The following MACC1 variants were observed in gnomAD, a reference collection of about 807,000 sequenced individuals.
MACC1 encodes the protein metastasis-associated in colon cancer protein 1.
A neutral mutation model predicts 70.7 loss-of-function variants in MACC1; 79 were observed. The observed-to-expected ratio is 1.12, with a 90% CI of 0.93 to 1.35. The LOEUF is 1.35. MACC1 is among the 40% of genes most tolerant of loss of function. The pLI is 0.00. For missense variants in MACC1, 1,106 were observed against 978.1 expected (o/e 1.13, Z -1.74); for synonymous variants, 361 against 347.2 (o/e 1.04, Z -0.44).
chr7:20,171,921 A>G (rs1352909879), intron 1 of MACC1, among the ~76,000 whole-genome samples: 1 of 152,200 alleles, frequency 6.6e-6, no homozygotes, highest in African/African-American at 2.4e-5. Flanking sequence ...AGTCTGGAGG[A>G]AAAAGCTGAG....
intron 1 of MACC1, among the ~76,000 whole-genome samples, chr7:20,201,821 C>T (rs1196643143): frequency 1.3e-5 from 2 of 152,148 alleles, no homozygotes; most frequent in African/African-American, 4.8e-5. Flanking sequence ...CCTTAGATTC[C>T]ATTTTTGAGA....
rs1781697302 is a variant in MACC1 at position 20,134,735 on chromosome 7, C to T, written c.*6211G>A. ...ATTCCATGTATTGAGTTTAAGTGAG[C>T]ATATAAACATTAGGGACATTTAAAA... is the stretch of plus-strand genomic sequence containing the variant. On this transcript the variant is annotated 3_prime_UTR_variant, in exon 7 of 7. Transcript: ENST00000400331. 1 of 152,092 alleles carries T rather than the reference C, an allele frequency of 6.6e-6. No homozygotes were observed. The highest frequency in any genetic ancestry group is 6.6e-5 in the Admixed American group (1 of 15,252). 9.4% of individuals were successfully genotyped at this position (152,092 alleles called of 1,614,324 possible). A position where few individuals can be genotyped will look rare whatever the true frequency, so the allele number is the denominator to read the frequency against.
rs749160800 is a variant in MACC1 at position 20,159,792 on chromosome 7, C to CG, written c.568dup (p.Arg190ProfsTer5). 1 of 1,614,062 alleles carries CG rather than the reference C, an allele frequency of 6.2e-7. No homozygotes were observed. Among genetic ancestry groups the CG allele is most frequent in the Non-Finnish European group, 8.5e-7 (1 of 1,180,010 alleles). ...AATTGTATTCAAATCAAGGCAGGAG[C>CG]GGGCCAGCTGGCGTTGACTTAACCA... On this transcript the variant is annotated frameshift_variant, in exon 5 of 7. Transcript: ENST00000400331. LOFTEE classifies it high-confidence loss of function.
At chr7:20,175,126 C>G (rs924358849) in intron 1 of MACC1, among the ~76,000 whole-genome samples, 3 of 151,998 alleles carry the variant, frequency 2.0e-5, no homozygotes, top group Non-Finnish European at 2.9e-5. Context: ...AAGATATCAT[C>G]TACTCTGAGA....
intron 6 of MACC1, among the ~76,000 whole-genome samples, chr7:20,147,266 G>T (rs1781906454): frequency 6.6e-6 from 1 of 152,132 alleles, no homozygotes; most frequent in South Asian, 2.1e-4. Context: ...TGCCACATGA[G>T]TAGAAGAAAT....
At chr7:20,189,720 GAC>G (rs1484260599) in intron 1 of MACC1, among the ~76,000 whole-genome samples, 1 of 150,128 alleles carries the variant, frequency 6.7e-6, no homozygotes, top group Non-Finnish European at 1.5e-5. Context: ...AAGAGACAGA[GAC>G]AGACAGACAG....
At chr7:20,199,019 C>T (rs542732310) in intron 1 of MACC1, among the ~76,000 whole-genome samples, 6 of 152,124 alleles carry the variant, frequency 3.9e-5, no homozygotes, top group Non-Finnish European at 7.4e-5. Context: ...ATATTTTATG[C>T]GAGTGTATTA....
Position 20,217,329 on chromosome 7 carries a change from T to C in MACC1, c.-248A>G, listed in dbSNP as rs541321531. On this transcript the variant is annotated 5_prime_UTR_variant, in exon 1 of 7. Transcript: ENST00000400331. ...TGGAAGTGAGCCCAAGCTTCTTCAG[T>C]TCAGACACATGGTTTTAGTGAATAG... The C allele has an allele frequency of 3.3e-5, 5 of 152,202 alleles. No homozygotes were observed. Among genetic ancestry groups the C allele is most frequent in the Admixed American group, 2.0e-4 (3 of 15,282 alleles). 9.4% of individuals were successfully genotyped at this position (152,202 alleles called of 1,614,324 possible). A position where few individuals can be genotyped will look rare whatever the true frequency, so the allele number is the denominator to read the frequency against.
In MACC1 at chr7:20,154,298, T is replaced by A. The variant is rs1383825988; in HGVS notation, c.2241A>T (p.Gly747=). The change falls in exon 6 of 7, where the codon GGA becomes GGT. Residue 747 remains glycine (G), a synonymous_variant. Coordinates refer to ENST00000400331, the MANE Select transcript of MACC1 (RefSeq NM_182762.4). ...AAVLTSAVKL[G]KGWRELAEKL... ...TTTCAGCTAGTTCCCTCCAGCCTTT[T>A]CCAAGCTTGACAGCTGAAGTCAGAA... is the stretch of plus-strand genomic sequence containing the variant. 4 of 1,613,874 alleles carry A rather than the reference T, an allele frequency of 2.5e-6. No individual in the cohort carries two copies. The highest frequency in any genetic ancestry group is 3.4e-6 in the Non-Finnish European group (4 of 1,179,958).
chr7:20,196,274 G>A (rs750617309), intron 1 of MACC1, among the ~76,000 whole-genome samples: 1 of 152,126 alleles, frequency 6.6e-6, no homozygotes, highest in Non-Finnish European at 1.5e-5. Flanking sequence ...TCCGCCTCCT[G>A]GGTTCACGCC....
At chr7:20,200,595 T>C (rs2128108195) in intron 1 of MACC1, among the ~76,000 whole-genome samples, 1 of 152,348 alleles carries the variant, frequency 6.6e-6, no homozygotes, top group East Asian at 1.9e-4. Context: ...GACAGAGTGA[T>C]GTAATTACCT....
chr7:20,137,387 A>G lies in MACC1; in HGVS notation c.*3559T>C, dbSNP rs1253479216. The G allele has an allele frequency of 6.6e-6, 1 of 152,218 alleles. No individual in the cohort carries two copies. Among genetic ancestry groups the G allele is most frequent in the African/African-American group, 2.4e-5 (1 of 41,450 alleles). The allele number at this position is 152,218 out of a possible 1,614,324, so 9.4% of individuals were successfully genotyped here. A position where few individuals can be genotyped will look rare whatever the true frequency, so the allele number is the denominator to read the frequency against. ...CAGGCCATGAAAATGTGCTGTATCC[A>G]TTTATTAGTATGAACAGTTAATGAC... On this transcript the variant is annotated 3_prime_UTR_variant, in exon 7 of 7. Transcript: ENST00000400331.
At chr7:20,165,671 T>C (rs1782206357) in intron 2 of MACC1, among the ~76,000 whole-genome samples, 1 of 152,096 alleles carries the variant, frequency 6.6e-6, no homozygotes, top group Non-Finnish European at 1.5e-5. Context: ...CCATACTCAA[T>C]GACAATTGCC....
At chr7:20,196,403 A>G (rs988847851) in intron 1 of MACC1, among the ~76,000 whole-genome samples, 3 of 152,112 alleles carry the variant, frequency 2.0e-5, no homozygotes, top group East Asian at 1.9e-4. Flanking sequence ...GATGGTCTCA[A>G]TCTCCTGACC....
Position 20,140,676 on chromosome 7 carries a change from A to G in MACC1, c.*270T>C, listed in dbSNP as rs535375247. On this transcript the variant is annotated 3_prime_UTR_variant, in exon 7 of 7. Transcript: ENST00000400331. ...AATACTTGTATTTGAAACATACACA[A>G]AAATACATATTTGAGGATAAAACCC... 7.4e-5 allele frequency: 25 copies of G among 339,080 alleles called. No individual in the cohort carries two copies. The East Asian group carries it at 1.2e-3, about 16-fold the overall frequency. 21.0% of individuals were successfully genotyped at this position (339,080 alleles called of 1,614,324 possible).
chr7:20,202,532 C>T (rs1435963218), intron 1 of MACC1, among the ~76,000 whole-genome samples: 5 of 152,216 alleles, frequency 3.3e-5, no homozygotes, highest in Non-Finnish European at 7.3e-5. Flanking sequence ...CTCCAATCTT[C>T]AATTTTACAT....
rs1006791447 is a variant in MACC1, at chr7:20,140,133, T to A, written c.*813A>T. ...ATGCATGCAGACAACAGATTTCTGA[T>A]AAGTCATATTTTCCTTCTGTCAGTC... On this transcript the variant is annotated 3_prime_UTR_variant, in exon 7 of 7. Coordinates refer to ENST00000400331, the MANE Select transcript of MACC1 (RefSeq NM_182762.4). The A allele has an allele frequency of 3.3e-5, 5 of 152,220 alleles. No homozygotes were observed. Among genetic ancestry groups the A allele is most frequent in the African/African-American group, 1.2e-4 (5 of 41,448 alleles). 9.4% of individuals were successfully genotyped at this position (152,220 alleles called of 1,614,324 possible). A position where few individuals can be genotyped will look rare whatever the true frequency, so the allele number is the denominator to read the frequency against.
At chr7:20,160,317 TTCCC>T in intron 4 of MACC1, 72 bp from the exon 5 acceptor site, 1 of 1,455,666 alleles carries the variant, frequency 6.9e-7, no homozygotes, top group East Asian at 2.4e-5. Flanking sequence ...AGATTAATTT[TTCCC>T]ATAGCTTAAA....
Position 20,140,736 on chromosome 7 carries a change from GAA to G in MACC1, c.*208_*209del, listed in dbSNP as rs138359838. The stretch of plus-strand genomic sequence containing the variant: ...ATCAGTTAGGCTGTGCTTTCATCAG[GAA>G]AAAAAAACTGGTTTTGAGCATGAAG... On this transcript the variant is annotated 3_prime_UTR_variant, in exon 7 of 7. Transcript: ENST00000400331. 4.9e-6 allele frequency: 2 copies of G among 407,438 alleles called. No homozygotes were observed. Among genetic ancestry groups the G allele is most frequent in the East Asian group, 3.7e-5 (1 of 27,064 alleles). The allele number at this position is 407,438 out of a possible 1,614,324, so 25.2% of individuals were successfully genotyped here.
Sources: allele counts gnomAD v4.1 joint callset (sites outside exome capture counted in the v4.1 genomes callset), GRCh38; gene constraint gnomAD v4.1.1; transcripts MANE v1.5; gene names NCBI Gene and HGNC (gene_info 2026-07-23, HGNC 2026-07-21).